Variants in GRIN2A observed in about 807,000 individuals in gnomAD.
GRIN2A encodes glutamate ionotropic receptor NMDA type subunit 2A, also known as glutamate receptor ionotropic, NMDA 2A.
Under a neutral mutation model 113.4 loss-of-function variants are expected in GRIN2A, and 22 were observed. The observed-to-expected ratio is 0.19, with a 90% CI of 0.14 to 0.28. GRIN2A has a LOEUF of 0.28. Among genes scored for constraint, GRIN2A ranks in the 10% least tolerant of loss-of-function variants. GRIN2A has a pLI of 1.00. For missense variants in GRIN2A, 1,502 were observed against 1,887.0 expected, an observed-to-expected ratio of 0.80 and a Z score of 3.78; for synonymous variants, 827 against 738.4, an observed-to-expected ratio of 1.12 and a Z score of -1.94.
intron 7 of GRIN2A, among the ~76,000 whole-genome samples, chr16:9,837,150 C>T (rs1021641052): frequency 6.6e-6 from 1 of 152,174 alleles, no homozygotes; most frequent in Non-Finnish European, 1.5e-5. Context: ...AAAAATGTAG[C>T]TTAGCTGGTT....
intron 2 of GRIN2A, among the ~76,000 whole-genome samples, chr16:10,167,448 T>C (rs1195227081): frequency 6.6e-6 from 1 of 152,160 alleles, no homozygotes; most frequent in East Asian, 1.9e-4. Flanking sequence ...TGGAAACAAT[T>C]AACCTTTTTC....
chr16:10,015,252 CAAAAAAAAAAAAAAAAAAAGAA>C (rs2046582658), intron 2 of GRIN2A, among the ~76,000 whole-genome samples: 1 of 19,316 alleles, frequency 5.2e-5, no homozygotes, highest in South Asian at 3.6e-3. Flanking sequence ...GACTTCATCT[CAAAAAAAAAAAAAAAAAAAGAA>C]AAAAAAAAAG....
intron 2 of GRIN2A, among the ~76,000 whole-genome samples, chr16:10,075,452 T>G (rs1482072981): frequency 2.6e-5 from 4 of 151,872 alleles, no homozygotes; most frequent in African/African-American, 9.7e-5. Flanking sequence ...CGGGGCGGAA[T>G]GGAGAGTGAT....
At chr16:9,858,568 T>G (rs2043007902) in intron 4 of GRIN2A, among the ~76,000 whole-genome samples, 1 of 152,162 alleles carries the variant, frequency 6.6e-6, no homozygotes, top group Admixed American at 6.5e-5. Context: ...TGACCGCTGA[T>G]GGAGAAAAGT....
chr16:10,082,100 A>G (rs2047996531), intron 2 of GRIN2A, among the ~76,000 whole-genome samples: 1 of 152,218 alleles, frequency 6.6e-6, no homozygotes, highest in African/African-American at 2.4e-5. Flanking sequence ...TCCAGAAACA[A>G]GATGGCACTC....
At chr16:9,785,867 C>A (rs985612358) in intron 11 of GRIN2A, among the ~76,000 whole-genome samples, 3 of 152,126 alleles carry the variant, frequency 2.0e-5, no homozygotes, top group Non-Finnish European at 4.4e-5. Flanking sequence ...TAGGCAAGGG[C>A]AATAGAGCAG....
chr16:10,104,993 C>A (rs4464076), intron 2 of GRIN2A, among the ~76,000 whole-genome samples: 41,200 of 152,060 alleles, frequency 0.27, 5,828 homozygotes, highest in East Asian at 0.45. Flanking sequence ...ATAAAAGAAG[C>A]CTGAAGCAAA....
chr16:9,988,299 G>T (rs1428061964), intron 2 of GRIN2A, among the ~76,000 whole-genome samples: 1 of 151,998 alleles, frequency 6.6e-6, no homozygotes, highest in East Asian at 1.9e-4. Context: ...GTGTGTGTGT[G>T]TGTGTGTGTG....
At chr16:10,126,898 C>G (rs1260120406) in intron 2 of GRIN2A, among the ~76,000 whole-genome samples, 1 of 152,214 alleles carries the variant, frequency 6.6e-6, no homozygotes, top group Non-Finnish European at 1.5e-5. Context: ...ACACTTTTTA[C>G]CAGCTCTGAG....
At chr16:9,981,887 A>T (rs2141778557) in intron 2 of GRIN2A, among the ~76,000 whole-genome samples, 1 of 152,200 alleles carries the variant, frequency 6.6e-6, no homozygotes, top group Non-Finnish European at 1.5e-5. Context: ...CCTGTGCTCA[A>T]ATGATTCTCC....
intron 11 of GRIN2A, among the ~76,000 whole-genome samples, chr16:9,789,553 TAC>T (rs71157785): frequency 0.065 from 9,687 of 149,422 alleles, 307 homozygotes; most frequent in South Asian, 0.11. Flanking sequence ...GAAACATACA[TAC>T]ACACACACAC....
rs150344545 is a variant in GRIN2A, at chr16:10,094,725, T to C, written c.414+85273A>G. 3.8e-3 allele frequency among the ~76,000 whole-genome samples: 575 copies of C among 152,200 alleles called. 8 individuals carry two copies. Among genetic ancestry groups the C allele is most frequent in the East Asian group, 0.025 (129 of 5,176 alleles). Reference sequence around the variant, plus strand: ...TCAACCTCCCAAAGTGCTGGGATTATAGGCATGAGCCACTGTGCCTGGCCC... The same window carrying C: ...TCAACCTCCCAAAGTGCTGGGATTACAGGCATGAGCCACTGTGCCTGGCCC... On this transcript the variant is annotated intron_variant, in intron 2 of 12. Transcript: ENST00000330684.
chr16:10,037,451 T>C (rs1868290), intron 2 of GRIN2A, among the ~76,000 whole-genome samples: 130,607 of 152,106 alleles, frequency 0.86, 56,222 homozygotes, highest in East Asian at 0.96. Context: ...GCACCCGACA[T>C]GCATTATCCA....
intron 4 of GRIN2A, among the ~76,000 whole-genome samples, chr16:9,883,646 A>G (rs1290424348): frequency 6.6e-6 from 1 of 152,224 alleles, no homozygotes; most frequent in African/African-American, 2.4e-5. Flanking sequence ...GTACGGGCGA[A>G]TAAACATATC....
At chr16:9,783,937 T>C (rs531146893) in intron 11 of GRIN2A, among the ~76,000 whole-genome samples, 2 of 151,952 alleles carry the variant, frequency 1.3e-5, no homozygotes, top group South Asian at 2.1e-4. Flanking sequence ...CATAGACATA[T>C]AGAAGGGAGC....
intron 2 of GRIN2A, among the ~76,000 whole-genome samples, chr16:10,114,963 C>G (rs1037495745): frequency 1.3e-5 from 2 of 152,234 alleles, no homozygotes; most frequent in African/African-American, 4.8e-5. Context: ...GAAGAACTGT[C>G]AACACTGGAC....
chr16:10,135,589 T>G (rs1413755234), intron 2 of GRIN2A, among the ~76,000 whole-genome samples: 1 of 152,180 alleles, frequency 6.6e-6, no homozygotes, highest in East Asian at 1.9e-4. Flanking sequence ...TATTGAGGGT[T>G]CAATTAAAGG....
rs778843149 is a variant in GRIN2A at position 10,003,909 on chromosome 16, C to CA, written c.415-65359dup. 4.2e-4 allele frequency among the ~76,000 whole-genome samples: 64 copies of CA among 152,118 alleles called. 1 individual carries two copies. Among genetic ancestry groups the CA allele is most frequent in the Admixed American group, 6.6e-5 (1 of 15,262 alleles). On this transcript the variant is annotated intron_variant, in intron 2 of 12. Transcript: ENST00000330684. The stretch of plus-strand genomic sequence containing the variant: ...TATTTCAGGTAATGGATCATGCAGT[C>CA]ACACGTCCGCATTGCCTCACCTGCT...
At chr16:9,799,837 A>G (rs1233255527) in intron 10 of GRIN2A, among the ~76,000 whole-genome samples, 2 of 152,164 alleles carry the variant, frequency 1.3e-5, no homozygotes, top group Non-Finnish European at 2.9e-5. Context: ...GAATTTTTAC[A>G]TATGTATATA....
Sources: gnomAD v4.1 joint callset for allele counts (sites outside exome capture counted in the v4.1 genomes callset) on GRCh38, gnomAD v4.1.1 for gene constraint, MANE v1.5 for transcripts, NCBI Gene and HGNC (gene_info 2026-07-23, HGNC 2026-07-21) for gene names.